Variants in ANKRD30B observed in about 807,000 individuals in gnomAD.
ANKRD30B encodes ankyrin repeat domain-containing protein 30B.
Under a neutral mutation model 202.2 loss-of-function variants are expected in ANKRD30B, and 144 were observed. The observed-to-expected ratio is 0.71, with a 90% CI of 0.62 to 0.82. The LOEUF (loss-of-function observed/expected upper bound fraction) is 0.82. ANKRD30B is among the 40% of genes least tolerant of loss of function. The probability of loss-of-function intolerance (pLI) is 0.00; values close to 1 mark genes in which losing one functional copy is unlikely to be tolerated. For synonymous variants in ANKRD30B, 508 were observed against 561.3 expected (o/e 0.91, Z 1.34); for missense variants, 1,487 against 1,669.1 (o/e 0.89, Z 1.90).
the ANKRD30B span, among the ~76,000 whole-genome samples, chr18:14,929,389 A>C: frequency 6.6e-6 from 1 of 152,162 alleles, no homozygotes; most frequent in East Asian, 1.9e-4. Context: ...CACTCATCAC[A>C]GGTCTGGATG....
chr18:14,793,899 A>C (rs535101883), intron 16 of ANKRD30B, among the ~76,000 whole-genome samples: 3 of 152,104 alleles, frequency 2.0e-5, no homozygotes, highest in Non-Finnish European at 4.4e-5. Flanking sequence ...GACAAAAGAA[A>C]AAAAAAAAAT....
At chr18:14,834,294 G>A (rs1971081711) in intron 34 of ANKRD30B, among the ~76,000 whole-genome samples, 2 of 151,710 alleles carry the variant, frequency 1.3e-5, no homozygotes, top group African/African-American at 4.8e-5. Context: ...ATAAATTTTT[G>A]TCGTAGGTAA....
chr18:14,765,257 G>A (rs771666560), intron 7 of ANKRD30B, among the ~76,000 whole-genome samples: 10 of 152,018 alleles, frequency 6.6e-5, no homozygotes, highest in Non-Finnish European at 1.3e-4. Context: ...TTAGGAGTTC[G>A]TTCGAGAACA....
intron 34 of ANKRD30B, among the ~76,000 whole-genome samples, chr18:14,835,732 A>G (rs1181276164): frequency 6.6e-6 from 1 of 151,818 alleles, no homozygotes; most frequent in Non-Finnish European, 1.5e-5. Context: ...AGCTAGTATT[A>G]TATTGTTTCA....
the ANKRD30B span, among the ~76,000 whole-genome samples, chr18:14,939,325 C>T: frequency 6.6e-6 from 1 of 152,198 alleles, no homozygotes; most frequent in Non-Finnish European, 1.5e-5. Flanking sequence ...CCCAGTGTTT[C>T]TGTGAAACAC....
At chr18:14,799,421 T>C in intron 22 of ANKRD30B, 126 bp downstream of exon 22, 2 of 994,406 alleles carry the variant, frequency 2.0e-6, no homozygotes, top group Non-Finnish European at 2.9e-6. Context: ...GATAAAATAA[T>C]GGCAACATTA....
the ANKRD30B span, among the ~76,000 whole-genome samples, chr18:14,931,895 TCCCAGGCCCCCCACCCCA>T: frequency 6.8e-6 from 1 of 147,200 alleles, no homozygotes; most frequent in Non-Finnish European, 1.5e-5. Flanking sequence ...AGGCCCTCTG[TCCCAGGCCCCCCACCCCA>T]CCTCCCTCCT....
intron 6 of ANKRD30B, among the ~76,000 whole-genome samples, chr18:14,763,033 C>T (rs1007284141): frequency 6.6e-6 from 1 of 152,000 alleles, no homozygotes; most frequent in Non-Finnish European, 1.5e-5. Flanking sequence ...TAAGTATCTT[C>T]CTTGTTATTA....
the ANKRD30B span, chr18:14,915,508 C>A: frequency 6.6e-6 from 1 of 152,174 alleles, no homozygotes; most frequent in Non-Finnish European, 1.5e-5. Context: ...ATTGCTGTTC[C>A]CCTCAGGGCC....
At chr18:14,839,029 T>A (rs1971297523) in intron 36 of ANKRD30B, among the ~76,000 whole-genome samples, 1 of 152,204 alleles carries the variant, frequency 6.6e-6, no homozygotes, top group Non-Finnish European at 1.5e-5. Flanking sequence ...CTGCAGATTT[T>A]CCATATATAG....
At chr18:14,886,977 A>G in the ANKRD30B span, among the ~76,000 whole-genome samples, 1 of 152,240 alleles carries the variant, frequency 6.6e-6, no homozygotes, top group Non-Finnish European at 1.5e-5. Flanking sequence ...AAATGAATCT[A>G]TTGTTTTGTT....
the ANKRD30B span, among the ~76,000 whole-genome samples, chr18:14,932,587 T>C: frequency 2.3e-3 from 345 of 152,038 alleles, 2 homozygotes; most frequent in East Asian, 0.03. Flanking sequence ...ATCCGCCCGC[T>C]TCCCCCTCCC....
downstream of ANKRD30B, among the ~76,000 whole-genome samples, chr18:14,856,212 G>A (rs74352998): frequency 0.092 from 12,321 of 133,998 alleles, 282 homozygotes; most frequent in East Asian, 0.22. Flanking sequence ...GTGAAGAGGC[G>A]CTTCTCACCT....
rs766505355 is a variant in ANKRD30B at position 14,797,770 on chromosome 18, G to A, written c.1957-12G>A. 2.7e-4 allele frequency: 420 copies of A among 1,574,482 alleles called. No individual in the cohort carries two copies. Among genetic ancestry groups the A allele is most frequent in the Non-Finnish European group, 3.3e-4 (379 of 1,159,028 alleles). ...ATTATATATTAATTTTTGTGTTTCC[G>A]AACCCATTTAGCCTACCTGTGGAAG... On this transcript the variant is annotated splice_polypyrimidine_tract_variant and intron_variant, in intron 19 of 43. Coordinates refer to ENST00000690538, the MANE Select transcript of ANKRD30B (RefSeq NM_001367607.2).
the ANKRD30B span, among the ~76,000 whole-genome samples, chr18:14,912,272 A>G: frequency 1.3e-3 from 200 of 152,274 alleles, no homozygotes; most frequent in African/African-American, 4.6e-3. Context: ...TATGACCTTT[A>G]TTATGATGAG....
chr18:14,779,075 G>A (rs1967559921), intron 10 of ANKRD30B, among the ~76,000 whole-genome samples: 1 of 152,128 alleles, frequency 6.6e-6, no homozygotes, highest in Admixed American at 6.5e-5. Context: ...TAAGGAAGAG[G>A]GATTGTGAGG....
In ANKRD30B at chr18:14,763,822, T is replaced by A. The variant is rs750055303; in HGVS notation, c.957T>A (p.Cys319Ter). 3 of 1,613,668 alleles carry A rather than the reference T, an allele frequency of 1.9e-6. No homozygotes were observed. The highest frequency in any genetic ancestry group is 2.5e-6 in the Non-Finnish European group (3 of 1,179,822). Residue 319 changes from cysteine (C) to a stop codon, truncating the protein, a stop_gained, in exon 7 of 44, where the codon TGT (cysteine) becomes TGA (stop). Transcript: ENST00000690538. LOFTEE classifies it high-confidence loss of function. ...AGGGAACGTCTGCCAAAATTCAATGTCTGGGGAAAGCAACATCTGGAAAGT... is the reference window on the plus strand; with the variant it reads ...AGGGAACGTCTGCCAAAATTCAATGACTGGGGAAAGCAACATCTGGAAAGT... ...LVEGTSAKIQ[C>*]LGKATSGKFE...
intron 7 of ANKRD30B, among the ~76,000 whole-genome samples, chr18:14,767,640 T>C (rs1916458927): frequency 6.6e-6 from 1 of 152,188 alleles, no homozygotes; most frequent in African/African-American, 2.4e-5. Flanking sequence ...GTGGATCATC[T>C]GCTTCATGTG....
At chr18:14,772,335 T>A (rs1967057149) in intron 9 of ANKRD30B, 107 bp downstream of exon 9, 5 of 666,586 alleles carry the variant, frequency 7.5e-6, no homozygotes, top group Admixed American at 4.1e-5. Context: ...TAATATAAAG[T>A]TGGTCAGATA....
Sources: allele counts gnomAD v4.1 joint callset (sites outside exome capture counted in the v4.1 genomes callset), GRCh38; gene constraint gnomAD v4.1.1; transcripts MANE v1.5; gene names NCBI Gene and HGNC (gene_info 2026-07-23, HGNC 2026-07-21).